TENM1: variants seen among roughly 807,000 people sequenced by gnomAD.
TENM1 encodes teneurin-1.
In TENM1, 35 loss-of-function variants were observed where a neutral mutation model predicts 174.8. That is an observed-to-expected ratio of 0.20 (90% CI 0.15 to 0.27). TENM1 has a LOEUF of 0.27. Among genes scored for constraint, TENM1 ranks in the 10% least tolerant of loss-of-function variants. TENM1 has a pLI of 1.00. For synonymous variants in TENM1, 781 were observed against 798.7 expected (o/e 0.98, Z 0.37); for missense variants, 1,633 against 2,130.1 (o/e 0.77, Z 4.59).
chrX:124,905,320 T>C (rs1459891694), intron 1 of TENM1, among the ~76,000 whole-genome samples: 1 of 111,318 alleles, frequency 9.0e-6, no homozygotes, highest in African/African-American at 3.3e-5. Flanking sequence ...AATAAATGAA[T>C]GAATGAATGA....
chrX:124,829,599 A>C (rs1434817709), intron 3 of TENM1, among the ~76,000 whole-genome samples: 2 of 112,053 alleles, frequency 1.8e-5, no homozygotes, highest in Non-Finnish European at 3.8e-5. Flanking sequence ...AAGATATTAC[A>C]TTCTTCAAGC....
intron 4 of TENM1, among the ~76,000 whole-genome samples, chrX:124,730,820 G>C (rs1322414459): frequency 1.8e-5 from 2 of 111,570 alleles, no homozygotes; most frequent in Non-Finnish European, 3.8e-5. Flanking sequence ...TAGAGGAAGT[G>C]AAGTATTTTA....
At chrX:125,141,537 C>A in the TENM1 span, among the ~76,000 whole-genome samples, 1 of 110,985 alleles carries the variant, frequency 9.0e-6, no homozygotes, top group Non-Finnish European at 1.9e-5. Context: ...TTAAAACCAA[C>A]AAATACCGTG....
the TENM1 span, among the ~76,000 whole-genome samples, chrX:124,998,344 G>A: frequency 9.1e-6 from 1 of 109,884 alleles, no homozygotes; most frequent in African/African-American, 3.3e-5. Context: ...TCAAGAAAAG[G>A]AGTAAGCTCA....
the TENM1 span, among the ~76,000 whole-genome samples, chrX:125,006,276 C>T: frequency 7.2e-5 from 8 of 111,767 alleles, no homozygotes; most frequent in Admixed American, 1.9e-4. Flanking sequence ...GAATTCACCA[C>T]AGTGCAGCAA....
chrX:124,811,825 A>C (rs2055783441), intron 3 of TENM1, among the ~76,000 whole-genome samples: 1 of 111,326 alleles, frequency 9.0e-6, no homozygotes, highest in Non-Finnish European at 1.9e-5. Context: ...AATAGAATAC[A>C]ATTAAGCCAT....
intron 5 of TENM1, chrX:124,688,804 A>G (rs897564697): frequency 8.9e-6 from 1 of 111,827 alleles, no homozygotes; most frequent in Non-Finnish European, 1.9e-5. Flanking sequence ...CTGCAAGTGA[A>G]TGGCATGACC....
the TENM1 span, among the ~76,000 whole-genome samples, chrX:124,977,961 TGTGTGTGAGAGAGA>T: frequency 7.5e-3 from 408 of 54,293 alleles, 1 homozygote; most frequent in African/African-American, 0.027. Context: ...TGTGTGTGTG[TGTGTGTGAGAGAGA>T]GAGAGAGAGA....
the TENM1 span, among the ~76,000 whole-genome samples, chrX:124,993,240 T>C: frequency 9.0e-6 from 1 of 111,724 alleles, no homozygotes; most frequent in Non-Finnish European, 1.9e-5. Flanking sequence ...AGTTTTCTTA[T>C]ATTCATTCAT....
the TENM1 span, among the ~76,000 whole-genome samples, chrX:125,052,897 T>G: frequency 8.9e-6 from 1 of 112,073 alleles, no homozygotes; most frequent in Middle Eastern, 4.6e-3. Flanking sequence ...TTTCTTCGTT[T>G]GATTGAGGTA....
the TENM1 span, among the ~76,000 whole-genome samples, chrX:124,988,964 G>A: frequency 1.8e-5 from 2 of 111,756 alleles, no homozygotes; most frequent in Non-Finnish European, 1.9e-5. Context: ...ACTGAATAAT[G>A]AAAGACTAAA....
At chrX:124,505,646 T>C (rs111269143) in intron 18 of TENM1, among the ~76,000 whole-genome samples, 2,647 of 111,367 alleles carry the variant, frequency 0.024, 70 homozygotes, top group African/African-American at 0.082. Flanking sequence ...GGTAGCGTAG[T>C]GGGAGGGAGT....
the TENM1 span, among the ~76,000 whole-genome samples, chrX:124,985,317 G>A: frequency 8.9e-6 from 1 of 112,237 alleles, no homozygotes; most frequent in Non-Finnish European, 1.9e-5. Flanking sequence ...TGATTAAGCA[G>A]AGCACCTGAT....
the TENM1 span, among the ~76,000 whole-genome samples, chrX:125,197,486 A>G: frequency 8.9e-6 from 1 of 111,996 alleles, no homozygotes; most frequent in African/African-American, 3.2e-5. Flanking sequence ...TTGTTCATCC[A>G]AATGCAAGCA....
chrX:124,447,591 A>G (rs2060978620), intron 23 of TENM1, among the ~76,000 whole-genome samples: 1 of 112,006 alleles, frequency 8.9e-6, no homozygotes, highest in Non-Finnish European at 1.9e-5. Flanking sequence ...ATGCTGTGAA[A>G]TCTAATGGCT....
the TENM1 span, among the ~76,000 whole-genome samples, chrX:125,012,674 TA>T: frequency 9.0e-5 from 10 of 111,387 alleles, no homozygotes; most frequent in African/African-American, 2.9e-4. Flanking sequence ...ATAATATTTG[TA>T]AAAAAAACTC....
chrX:125,134,598 T>C, the TENM1 span, among the ~76,000 whole-genome samples: 1 of 112,053 alleles, frequency 8.9e-6, no homozygotes. Flanking sequence ...GGTTTGCTGG[T>C]TTGGCCTGAT....
At chrX:125,060,180 C>G in the TENM1 span, among the ~76,000 whole-genome samples, 1 of 81,715 alleles carries the variant, frequency 1.2e-5, no homozygotes, top group African/African-American at 7.8e-5. Flanking sequence ...CTCTCTCTCT[C>G]TCACACACAC....
intron 27 of TENM1, 62 bp from the exon 31 acceptor site, chrX:124,392,410 G>A (rs1303341673): frequency 2.2e-5 from 20 of 900,215 alleles, no homozygotes; most frequent in Non-Finnish European, 2.7e-5. Flanking sequence ...TTAGAGCACT[G>A]ACAATCATGA....
Sources: allele counts gnomAD v4.1 joint callset (sites outside exome capture counted in the v4.1 genomes callset), GRCh38; gene constraint gnomAD v4.1.1; transcripts MANE v1.5; gene names NCBI Gene and HGNC (gene_info 2026-07-23, HGNC 2026-07-21).